SP140: variants seen among roughly 807,000 people sequenced by gnomAD.
SP140 encodes nuclear body protein SP140.
A neutral mutation model predicts 125.0 loss-of-function variants in SP140; 81 were observed. That is an observed-to-expected ratio of 0.65 (90% CI 0.54 to 0.78). SP140 has a LOEUF of 0.78. SP140 is among the 30% of genes least tolerant of loss of function. The pLI, the probability that SP140 is intolerant of heterozygous loss-of-function variation, is 0.00. For synonymous variants in SP140, 312 were observed against 354.0 expected (o/e 0.88, Z 1.33); for missense variants, 858 against 1,037.0 (o/e 0.83, Z 2.37).
At chr2:230,216,765 G>A (rs1351806088) in intron 3 of SP140, 4 of 1,613,386 alleles carry the variant, frequency 2.5e-6, no homozygotes, top group Middle Eastern at 1.7e-4. Context: ...CCATGGAAGG[G>A]TTCAACATGA....
chr2:230,238,881 G>A (rs1347325527), intron 3 of SP140: 2 of 1,551,638 alleles, frequency 1.3e-6, no homozygotes, highest in East Asian at 4.9e-5. Context: ...TGAAAGCTAT[G>A]AAGACAGAAA....
intron 19 of SP140, 41 bp downstream of exon 19, chr2:230,290,605 A>G: frequency 6.9e-7 from 1 of 1,451,882 alleles, no homozygotes; most frequent in Non-Finnish European, 9.6e-7. Flanking sequence ...CTCCTATCTG[A>G]AGGCATCACA....
intron 15 of SP140, among the ~76,000 whole-genome samples, chr2:230,275,359 C>T (rs959162530): frequency 6.6e-6 from 1 of 152,060 alleles, no homozygotes; most frequent in Admixed American, 6.6e-5. Flanking sequence ...CACTTTGTGT[C>T]TCTGTCACAT....
At chr2:230,236,423 A>G (rs888771060) in intron 1 of SP140, among the ~76,000 whole-genome samples, 1 of 152,204 alleles carries the variant, frequency 6.6e-6, no homozygotes, top group Non-Finnish European at 1.5e-5. Flanking sequence ...AACCAATAGG[A>G]TGTGTATATA....
At chr2:230,201,207 A>G (rs2148852713), upstream of SP140, among the ~76,000 whole-genome samples, 1 of 152,374 alleles carries the variant, frequency 6.6e-6, no homozygotes, top group Non-Finnish European at 1.5e-5. Flanking sequence ...AGACATCCAC[A>G]GTGGGGTGCA....
At chr2:230,267,422 T>G (rs1256788435) in intron 12 of SP140, among the ~76,000 whole-genome samples, 1 of 152,242 alleles carries the variant, frequency 6.6e-6, no homozygotes, top group Non-Finnish European at 1.5e-5. Flanking sequence ...ATAGAGGTTT[T>G]GTTGAAAACA....
At chr2:230,284,324 C>T (rs1418904545) in intron 15 of SP140, 22 bp from the exon 16 acceptor site, 1 of 1,591,240 alleles carries the variant, frequency 6.3e-7, no homozygotes, top group Non-Finnish European at 8.6e-7. Context: ...GCATAATTAA[C>T]TTTATTCTCT....
At position 230,251,035 on chromosome 2, in the gene SP140, C is replaced by G; in HGVS notation, c.1031C>G (p.Ser344Cys). 1 of 1,613,622 alleles carries G rather than the reference C, an allele frequency of 6.2e-7. No homozygotes were observed. Among genetic ancestry groups the G allele is most frequent in the Non-Finnish European group, 8.5e-7 (1 of 1,179,794 alleles). Residue 344 changes from serine (S) to cysteine (C), a missense_variant, in exon 10 of 27, where the codon TCT (serine) becomes TGT (cysteine). This residue lies in a region of SP140 where 791 missense variants were observed against 869.5 expected (regional missense o/e 0.91). Coordinates refer to ENST00000392045, the MANE Select transcript of SP140 (RefSeq NM_007237.5). Reference sequence around the variant, plus strand: ...GATGGAGAAGAGCCCCAGGAAGCCTCTAGCTCCCTAGCAAGATGTGGGTCA... The same window carrying G: ...GATGGAGAAGAGCCCCAGGAAGCCTGTAGCTCCCTAGCAAGATGTGGGTCA... ...MCDGEEPQEA[S>C]SSLARCGSVS... is the part of the protein sequence containing the mutation.
At chr2:230,186,153 A>G in the SP140 span, 1 of 1,613,864 alleles carries the variant, frequency 6.2e-7, no homozygotes, top group Non-Finnish European at 8.5e-7. Context: ...CCTGGACCAA[A>G]TAGACTTGTG....
chr2:230,267,963 C>G (rs571284705), intron 12 of SP140, among the ~76,000 whole-genome samples: 1 of 152,306 alleles, frequency 6.6e-6, no homozygotes, highest in East Asian at 1.9e-4. Flanking sequence ...GGACCCACAT[C>G]CATTAGTTTT....
chr2:230,204,690 A>G (rs2043564601), intron 1 of SP140, among the ~76,000 whole-genome samples: 1 of 152,136 alleles, frequency 6.6e-6, no homozygotes, highest in South Asian at 2.1e-4. Flanking sequence ...TATGTAAGTA[A>G]TTACAATAGA....
chr2:230,247,736 A>G (rs2049691052), intron 7 of SP140, among the ~76,000 whole-genome samples, 180 bp from the exon 8 acceptor site: 1 of 152,202 alleles, frequency 6.6e-6, no homozygotes, highest in Admixed American at 6.5e-5. Context: ...AGGTTTATAT[A>G]CAAATTTTCT....
At chr2:230,310,241 C>T (rs1266047958) in intron 23 of SP140, 3 of 579,020 alleles carry the variant, frequency 5.2e-6, no homozygotes, top group East Asian at 5.9e-5. Flanking sequence ...TCAGGGACAC[C>T]TCCTCTGATA....
At chr2:230,220,958 G>A (rs867386393), upstream of SP140, among the ~76,000 whole-genome samples, 3 of 152,242 alleles carry the variant, frequency 2.0e-5, no homozygotes, top group Non-Finnish European at 2.9e-5. Flanking sequence ...GCTGCGGTGA[G>A]CTATGATTGC....
At chr2:230,278,877 C>A (rs1196694181) in intron 15 of SP140, among the ~76,000 whole-genome samples, 3 of 151,932 alleles carry the variant, frequency 2.0e-5, no homozygotes, top group South Asian at 2.1e-4. Flanking sequence ...GAAAAGGCAT[C>A]CAAATTGGAA....
At position 230,294,305 on chromosome 2, in the gene SP140, A is replaced by G; in HGVS notation, c.2003A>G (p.Tyr668Cys). 6.2e-7 allele frequency: 1 copy of G among 1,612,118 alleles called. No homozygotes were observed. Among genetic ancestry groups the G allele is most frequent in the Non-Finnish European group, 8.5e-7 (1 of 1,178,186 alleles). ...CTGCCTGATCCTCCAAGAATACGTTACAGGAAAAAAAAGGTGATTATTACA... is the reference window on the plus strand; with the variant it reads ...CTGCCTGATCCTCCAAGAATACGTTGCAGGAAAAAAAAGGTGATTATTACA... ...GFLPDPPRIRYRKKKRILKSQ... is the reference protein window; with the variant it reads ...GFLPDPPRIRCRKKKRILKSQ... The change falls in exon 21 of 27, where the codon TAC becomes TGC. Residue 668 changes from tyrosine (Y) to cysteine (C), a missense_variant. Physicochemically the swap from Tyr to Cys is radical, Grantham distance 194. Around this residue, in one of 4 missense-constraint regions of SP140, gnomAD observed 791 missense variants for 869.5 expected, o/e 0.91. Transcript: ENST00000392045.
chr2:230,314,352 G>T (rs2059467135), downstream of SP140, among the ~76,000 whole-genome samples: 1 of 152,228 alleles, frequency 6.6e-6, no homozygotes, highest in South Asian at 2.1e-4. Flanking sequence ...AGTGAAGAGA[G>T]CGTTTATCCT....
chr2:230,311,683 T>C, intron 26 of SP140, 88 bp downstream of exon 26: 1 of 1,542,544 alleles, frequency 6.5e-7, no homozygotes, highest in African/African-American at 1.4e-5. Flanking sequence ...TCCCTCATCC[T>C]GTAATAAGCT....
At chr2:230,313,740 C>T (rs367574919), downstream of SP140, among the ~76,000 whole-genome samples, 28 of 152,260 alleles carry the variant, frequency 1.8e-4, no homozygotes, top group African/African-American at 6.5e-4. Flanking sequence ...ACTGTCTAGC[C>T]CAATGGTGCT....
Sources: gnomAD v4.1 joint callset for allele counts (sites outside exome capture counted in the v4.1 genomes callset) on GRCh38, gnomAD v4.1.1 for gene constraint, gnomAD v4.1.1 regional missense constraint, MANE v1.5 for transcripts, NCBI Gene and HGNC (gene_info 2026-07-23, HGNC 2026-07-21) for gene names.